FOXN3: variants seen among roughly 807,000 people sequenced by gnomAD.
FOXN3 encodes forkhead box protein N3.
FOXN3 carries 7 observed loss-of-function variants against 38.4 expected under a neutral mutation model. The observed-to-expected ratio is 0.18, with a 90% CI of 0.10 to 0.34. The LOEUF (loss-of-function observed/expected upper bound fraction) is 0.34, where lower values mean the gene tolerates loss of function less well. FOXN3 is among the 10% of genes least tolerant of loss of function. The pLI, the probability that FOXN3 is intolerant of heterozygous loss-of-function variation, is 1.00. For synonymous variants in FOXN3, 230 were observed against 242.2 expected, an observed-to-expected ratio of 0.95 and a Z score of 0.47; for missense variants, 456 against 613.4, an observed-to-expected ratio of 0.74 and a Z score of 2.71.
chr14:89,525,157 G>GA (rs1229529080), intron 1 of FOXN3, among the ~76,000 whole-genome samples: 1 of 152,090 alleles, frequency 6.6e-6, no homozygotes, highest in Non-Finnish European at 1.5e-5. Context: ...AGACCTACTG[G>GA]GCTGCATTCC....
rs34026101 is a variant in FOXN3, at chr14:89,415,604, C to CAAAAAAAAAAAAAA, written c.-15+1253_-15+1266dup. ...AAAAACAAAACAAAACAACAATAAC[C>CAAAAAAAAAAAAAA]AAAAAAAAAAAAAAAAAAAAAAAAA... On this transcript the variant is annotated intron_variant, in intron 1 of 5. Coordinates refer to ENST00000557258, the MANE Select transcript of FOXN3 (RefSeq NM_005197.4). Among the ~76,000 whole-genome samples the CAAAAAAAAAAAAAA allele has an allele frequency of 3.9e-4, 21 of 54,272 alleles. 2 individuals are homozygous for CAAAAAAAAAAAAAA. The highest frequency in any genetic ancestry group is 4.7e-4 in the Non-Finnish European group (12 of 25,558). 35.6% of individuals were successfully genotyped at this position (54,272 alleles called of 152,430 possible).
chr14:89,165,817 C>T (rs1887227448), intron 5 of FOXN3, among the ~76,000 whole-genome samples: 1 of 152,250 alleles, frequency 6.6e-6, no homozygotes, highest in African/African-American at 2.4e-5. Flanking sequence ...AATTCACCCA[C>T]TGAACTAACA....
intron 3 of FOXN3, among the ~76,000 whole-genome samples, chr14:89,307,759 A>G (rs1205252537): frequency 1.3e-5 from 2 of 152,126 alleles, no homozygotes; most frequent in Non-Finnish European, 2.9e-5. Flanking sequence ...CCCAATCCCA[A>G]CCTCAACCAA....
At chr14:89,444,291 G>A (rs543695334) in intron 1 of FOXN3, among the ~76,000 whole-genome samples, 6 of 152,064 alleles carry the variant, frequency 3.9e-5, no homozygotes, top group African/African-American at 1.4e-4. Flanking sequence ...GGGCGGGGGC[G>A]GTGGGGAAGA....
At chr14:89,360,692 C>G (rs936455798) in intron 2 of FOXN3, among the ~76,000 whole-genome samples, 1 of 151,600 alleles carries the variant, frequency 6.6e-6, no homozygotes, top group Non-Finnish European at 1.5e-5. Context: ...AAAACTCATC[C>G]TCAGCTACCA....
intron 1 of FOXN3, among the ~76,000 whole-genome samples, chr14:89,466,230 C>T (rs569757038): frequency 1.3e-5 from 2 of 152,268 alleles, no homozygotes; most frequent in South Asian, 4.2e-4. Context: ...GAAATTACAA[C>T]TTGGTCGTCT....
At chr14:89,280,057 T>C (rs1886412772) in intron 4 of FOXN3, among the ~76,000 whole-genome samples, 2 of 152,172 alleles carry the variant, frequency 1.3e-5, no homozygotes, top group Non-Finnish European at 2.9e-5. Flanking sequence ...TCAAAAGCTC[T>C]TAGCACAGCC....
intron 1 of FOXN3, among the ~76,000 whole-genome samples, chr14:89,466,005 A>G (rs1414659232): frequency 6.6e-6 from 1 of 152,196 alleles, no homozygotes; most frequent in Non-Finnish European, 1.5e-5. Context: ...ATGCACATGC[A>G]CACACAAAGT....
intron 2 of FOXN3, chr14:89,401,765 A>G (rs917676282): frequency 1.2e-5 from 5 of 418,942 alleles, no homozygotes; most frequent in African/African-American, 1.0e-4. Context: ...TCCCTCGAGG[A>G]GGACAGTCAC....
At chr14:89,416,813 C>G (rs1891746352) in intron 1 of FOXN3, 58 bp downstream of exon 1, 1 of 152,016 alleles carries the variant, frequency 6.6e-6, no homozygotes. Context: ...ACGCGCCTCC[C>G]GCCCCGGGTG....
At chr14:89,555,068 G>A (rs1474714703) in intron 1 of FOXN3, among the ~76,000 whole-genome samples, 1 of 152,042 alleles carries the variant, frequency 6.6e-6, no homozygotes, top group African/African-American at 2.4e-5. Context: ...TGGGATTACA[G>A]GCATAAGCCA....
chr14:89,282,855 GT>G (rs1886504307), intron 3 of FOXN3, among the ~76,000 whole-genome samples: 1 of 152,204 alleles, frequency 6.6e-6, no homozygotes, highest in South Asian at 2.1e-4. Context: ...AAATCCAGTG[GT>G]TTAGATAAGG....
intron 3 of FOXN3, among the ~76,000 whole-genome samples, chr14:89,288,768 ATG>A (rs1160533396): frequency 1.5e-4 from 17 of 114,368 alleles, no homozygotes; most frequent in African/African-American, 5.7e-4. Flanking sequence ...ATATATATAT[ATG>A]CTTGCACTGG....
At chr14:89,437,692 A>C (rs1251903283) in intron 1 of FOXN3, among the ~76,000 whole-genome samples, 2 of 152,264 alleles carry the variant, frequency 1.3e-5, no homozygotes, top group Admixed American at 6.5e-5. Context: ...TTAGCATATC[A>C]TCAAGAAATA....
At chr14:89,244,992 G>T (rs1285380514) in intron 4 of FOXN3, among the ~76,000 whole-genome samples, 2 of 152,174 alleles carry the variant, frequency 1.3e-5, no homozygotes, top group Admixed American at 6.5e-5. Context: ...CGACTCTAGG[G>T]GTGTGGTGGA....
chr14:89,386,072 G>C (rs1002455901), intron 2 of FOXN3, among the ~76,000 whole-genome samples: 3 of 151,880 alleles, frequency 2.0e-5, no homozygotes, highest in Non-Finnish European at 4.4e-5. Flanking sequence ...GCAAGTTTAT[G>C]GGTAGGTTTG....
intron 1 of FOXN3, among the ~76,000 whole-genome samples, chr14:89,612,405 G>C (rs1896410496): frequency 6.6e-6 from 1 of 152,120 alleles, no homozygotes; most frequent in East Asian, 1.9e-4. Context: ...TTAATTTAGA[G>C]ATATTTATTA....
chr14:89,360,779 C>CACCTCCACCACCACCTCCACCACT (rs1889502228), intron 2 of FOXN3, among the ~76,000 whole-genome samples: 3 of 94,858 alleles, frequency 3.2e-5, no homozygotes, highest in Non-Finnish European at 4.3e-5. Context: ...CCACCTCCAC[C>CACCTCCACCACCACCTCCACCACT]ACCACCTCCA....
intron 1 of FOXN3, among the ~76,000 whole-genome samples, chr14:89,511,194 CTTTCTTTCT>C (rs1324425355): frequency 1.6e-4 from 2 of 12,628 alleles, no homozygotes; most frequent in South Asian, 3.1e-3. Flanking sequence ...TCTTTCTTTT[CTTTCTTTCT>C]TTTCTTTCTT....
Sources: gnomAD v4.1 joint callset for allele counts (sites outside exome capture counted in the v4.1 genomes callset) on GRCh38, gnomAD v4.1.1 for gene constraint, MANE v1.5 for transcripts, NCBI Gene and HGNC (gene_info 2026-07-23, HGNC 2026-07-21) for gene names.